The following PDE1C variants were observed in gnomAD, a reference collection of about 807,000 sequenced individuals.
PDE1C encodes phosphodiesterase 1C.
A neutral mutation model predicts 93.1 loss-of-function variants in PDE1C; 62 were observed. That is an observed-to-expected ratio of 0.67 (90% confidence interval 0.54 to 0.82). The LOEUF (loss-of-function observed/expected upper bound fraction) is 0.82, where lower values mean the gene tolerates loss of function less well. Ranked by LOEUF, PDE1C falls within the 40% of genes least tolerant of loss-of-function variation. PDE1C has a pLI of 0.00. For synonymous variants in PDE1C, 325 were observed against 310.1 expected, an observed-to-expected ratio of 1.05 and a Z score of -0.50; for missense variants, 742 against 884.6, an observed-to-expected ratio of 0.84 and a Z score of 2.04.
At chr7:31,854,009 G>A (rs1403125003) in intron 7 of PDE1C, among the ~76,000 whole-genome samples, 3 of 151,902 alleles carry the variant, frequency 2.0e-5, no homozygotes, top group Non-Finnish European at 4.4e-5. Flanking sequence ...TTATAGGCGT[G>A]AGCAACTGTG....
intron 2 of PDE1C, among the ~76,000 whole-genome samples, chr7:32,180,788 T>C (rs896019559): frequency 1.1e-4 from 17 of 152,238 alleles, no homozygotes; most frequent in Non-Finnish European, 2.5e-4. Context: ...AGTTAAATGC[T>C]ATGTGGAATT....
At chr7:31,642,238 C>G in the PDE1C span, 2 of 1,554,320 alleles carry the variant, frequency 1.3e-6, no homozygotes, top group Non-Finnish European at 1.7e-6. Flanking sequence ...GGAGGAGCCG[C>G]TGGAACCGCT....
At chr7:32,067,277 G>A (rs193005731) in intron 1 of PDE1C, among the ~76,000 whole-genome samples, 8 of 152,264 alleles carry the variant, frequency 5.3e-5, no homozygotes, top group African/African-American at 1.9e-4. Flanking sequence ...TGTATACCGG[G>A]TGGAAGCGTA....
chr7:31,966,543 A>C (rs1347836073), intron 2 of PDE1C, among the ~76,000 whole-genome samples: 2 of 152,238 alleles, frequency 1.3e-5, no homozygotes, highest in Non-Finnish European at 2.9e-5. Flanking sequence ...AACATTAGAC[A>C]GATCAATGAG....
chr7:31,908,820 T>C (rs1400172467), intron 2 of PDE1C, among the ~76,000 whole-genome samples: 2 of 152,148 alleles, frequency 1.3e-5, no homozygotes, highest in African/African-American at 2.4e-5. Context: ...CAAACACTAA[T>C]CTAGGTATTG....
the PDE1C span, among the ~76,000 whole-genome samples, chr7:31,644,810 G>T: frequency 6.6e-6 from 1 of 152,190 alleles, no homozygotes; most frequent in Admixed American, 6.5e-5. Context: ...GAGTTGAAAA[G>T]GTGAAGGGGC....
intron 1 of PDE1C, among the ~76,000 whole-genome samples, chr7:32,349,977 A>G (rs1203902546): frequency 6.6e-6 from 1 of 152,210 alleles, no homozygotes; most frequent in Non-Finnish European, 1.5e-5. Flanking sequence ...TGCTAGCAAT[A>G]AGTTCCTGTA....
intron 2 of PDE1C, among the ~76,000 whole-genome samples, chr7:32,208,247 G>GC (rs11377604): frequency 0.99 from 150,239 of 152,280 alleles, 74,147 homozygotes; most frequent in Middle Eastern, 1. Context: ...TTTAGAAGAA[G>GC]CCTGTAAATA....
intron 17 of PDE1C, among the ~76,000 whole-genome samples, chr7:31,765,116 G>A (rs953393491): frequency 1.3e-5 from 2 of 152,092 alleles, no homozygotes; most frequent in Admixed American, 1.3e-4. Flanking sequence ...TGATAATATG[G>A]GGAGGCACTG....
intron 3 of PDE1C, among the ~76,000 whole-genome samples, chr7:32,128,906 AATAT>A (rs763801947): frequency 0.029 from 1,601 of 55,528 alleles, 42 homozygotes; most frequent in East Asian, 0.053. Flanking sequence ...AAGTATAACA[AATAT>A]ATATATATAT....
intron 3 of PDE1C, among the ~76,000 whole-genome samples, chr7:32,140,952 T>TTTG (rs1367732933): frequency 2.0e-5 from 3 of 152,250 alleles, no homozygotes; most frequent in Non-Finnish European, 4.4e-5. Context: ...GGACTCTCTC[T>TTTG]CTTACCTGTG....
At chr7:31,851,093 C>CACACAT (rs1554368386) in intron 7 of PDE1C, among the ~76,000 whole-genome samples, 28,256 of 148,184 alleles carry the variant, frequency 0.19, 3,570 homozygotes, top group Non-Finnish European at 0.28. Flanking sequence ...CACACACACA[C>CACACAT]ACACACATAA....
At chr7:32,115,953 C>A (rs1322918189) in intron 3 of PDE1C, among the ~76,000 whole-genome samples, 1 of 152,024 alleles carries the variant, frequency 6.6e-6, no homozygotes, top group African/African-American at 2.4e-5. Context: ...ACTAAGAGAC[C>A]AAGATGGCAG....
At chr7:32,386,472 G>A (rs1287626921) in intron 1 of PDE1C, among the ~76,000 whole-genome samples, 2 of 73,356 alleles carry the variant, frequency 2.7e-5, no homozygotes, top group African/African-American at 5.3e-5. Context: ...ATATTTCCTT[G>A]TATTAAAGTA....
chr7:32,241,841 TG>T (rs1303156931), intron 1 of PDE1C, among the ~76,000 whole-genome samples: 1 of 151,656 alleles, frequency 6.6e-6, no homozygotes, highest in Non-Finnish European at 1.5e-5. Context: ...AGAGAGGAGA[TG>T]GGTAGACACA....
At chr7:32,015,748 A>G (rs2128599363) in intron 2 of PDE1C, among the ~76,000 whole-genome samples, 1 of 152,322 alleles carries the variant, frequency 6.6e-6, no homozygotes, top group Middle Eastern at 3.4e-3. Context: ...AAAAAAAGAT[A>G]CATGGTTAAT....
chr7:31,930,708 G>C (rs1440555807), intron 2 of PDE1C, among the ~76,000 whole-genome samples: 3 of 151,618 alleles, frequency 2.0e-5, no homozygotes, highest in African/African-American at 7.3e-5. Flanking sequence ...TAATAGCCAG[G>C]CATGGTGGTA....
chr7:32,262,681 C>T (rs1056516115), intron 1 of PDE1C, among the ~76,000 whole-genome samples: 3 of 152,224 alleles, frequency 2.0e-5, no homozygotes, highest in African/African-American at 7.2e-5. Context: ...CTTTCCCTCC[C>T]TCCCACTCTG....
At chr7:31,822,981 G>T in intron 14 of PDE1C, 92 bp downstream of exon 14, 1 of 1,044,820 alleles carries the variant, frequency 9.6e-7, no homozygotes, top group South Asian at 1.9e-5. Context: ...TCTGCATCCT[G>T]AGCAACTGTG....
Sources: allele counts gnomAD v4.1 joint callset (sites outside exome capture counted in the v4.1 genomes callset), GRCh38; gene constraint gnomAD v4.1.1; transcripts MANE v1.5; gene names NCBI Gene and HGNC (gene_info 2026-07-23, HGNC 2026-07-21).